FNDC3A: variants seen among roughly 807,000 people sequenced by gnomAD.
FNDC3A encodes the protein fibronectin type III domain containing 3A.
A neutral mutation model predicts 148.9 loss-of-function variants in FNDC3A; 32 were observed. The ratio of observed to expected loss-of-function variants is 0.21; its 90% CI spans 0.16 to 0.29. The LOEUF (loss-of-function observed/expected upper bound fraction) is 0.29. Among genes scored for constraint, FNDC3A ranks in the 10% least tolerant of loss-of-function variants. The pLI, the probability that FNDC3A is intolerant of heterozygous loss-of-function variation, is 1.00. For missense variants in FNDC3A, 1,191 were observed against 1,452.8 expected (o/e 0.82, Z 2.93); for synonymous variants, 472 against 473.6 (o/e 1.00, Z 0.04).
intron 2 of FNDC3A, among the ~76,000 whole-genome samples, chr13:49,040,406 C>T (rs184509673): frequency 5.9e-5 from 9 of 152,288 alleles, no homozygotes; most frequent in Admixed American, 2.0e-4. Flanking sequence ...TTTGCACTTA[C>T]GGATGGCAAA....
intron 1 of FNDC3A, among the ~76,000 whole-genome samples, chr13:48,993,621 T>C (rs1951963002): frequency 6.6e-6 from 1 of 152,178 alleles, no homozygotes. Flanking sequence ...AAATTTTGAA[T>C]GCTAGTAACA....
chr13:48,997,203 A>T (rs1952040059), intron 1 of FNDC3A, among the ~76,000 whole-genome samples: 1 of 152,216 alleles, frequency 6.6e-6, no homozygotes, highest in African/African-American at 2.4e-5. Context: ...AGACAAAAAG[A>T]GCTGAAGTTT....
At chr13:49,036,723 G>A (rs1440583925) in intron 2 of FNDC3A, among the ~76,000 whole-genome samples, 1 of 152,178 alleles carries the variant, frequency 6.6e-6, no homozygotes, top group East Asian at 1.9e-4. Context: ...ATAGAAGGAT[G>A]TACAGAGTGC....
chr13:49,204,759 A>G, intron 25 of FNDC3A, among the ~76,000 whole-genome samples: 1 of 135,360 alleles, frequency 7.4e-6, no homozygotes, highest in South Asian at 2.9e-4. Flanking sequence ...TGAGCAGGTT[A>G]ATCTGTTTTC....
At chr13:49,065,633 G>GT (rs1877212751) in intron 2 of FNDC3A, among the ~76,000 whole-genome samples, 1 of 152,092 alleles carries the variant, frequency 6.6e-6, no homozygotes, top group South Asian at 2.1e-4. Context: ...AAAATGGTGT[G>GT]TATTAGGGGA....
At position 49,207,782 on chromosome 13, in the gene FNDC3A, G is replaced by A. The variant is rs1886723209; in HGVS notation, c.*387G>A. On this transcript the variant is annotated 3_prime_UTR_variant, in exon 26 of 26. Transcript: ENST00000492622. ...AGATTATTACCAAGTGAAAAATTCA[G>A]AATGAATAGAATTTACACTAACATG... 6.2e-6 allele frequency: 1 copy of A among 161,066 alleles called. No individual in the cohort carries two copies. The highest frequency in any genetic ancestry group is 2.4e-5 in the African/African-American group (1 of 41,536). The allele number at this position is 161,066 out of a possible 1,614,324, so 10.0% of individuals were successfully genotyped here.
chr13:49,136,338 A>G lies in FNDC3A; in HGVS notation c.497A>G (p.His166Arg). The change falls in exon 6 of 26, where the codon CAC becomes CGC. Residue 166 changes from histidine to arginine, a missense_variant. His to Arg is a conservative substitution (Grantham distance 29). Around this residue, in one of 3 missense-constraint regions of FNDC3A, gnomAD observed 426 missense variants for 473.2 expected, o/e 0.90. Transcript: ENST00000492622. ...TGTTTTTATTGCCTCCTAGATGCTC[A>G]CTCTACACATGGAAGGTCCAACTTT... is the stretch of plus-strand genomic sequence containing the variant. ...SSQVYGDVDA[H>R]STHGRSNFRD... The G allele has an allele frequency of 6.2e-7, 1 of 1,612,584 alleles. No homozygotes were observed. The highest frequency in any genetic ancestry group is 8.5e-7 in the Non-Finnish European group (1 of 1,178,996).
chr13:49,202,280 ACT>A (rs377309801), intron 24 of FNDC3A, among the ~76,000 whole-genome samples: 139 of 152,108 alleles, frequency 9.1e-4, no homozygotes, highest in African/African-American at 3.0e-3. Flanking sequence ...AAAATCACAA[ACT>A]CTGGTTGTTT....
intron 14 of FNDC3A, 27 bp from the exon 15 acceptor site, chr13:49,185,937 T>C: frequency 8.8e-6 from 14 of 1,582,086 alleles, no homozygotes; most frequent in Non-Finnish European, 1.2e-5. Context: ...AAGTGTATTA[T>C]TTAATGTCTT....
At chr13:49,168,328 A>G (rs1034773331) in intron 9 of FNDC3A, among the ~76,000 whole-genome samples, 1 of 152,256 alleles carries the variant, frequency 6.6e-6, no homozygotes, top group Non-Finnish European at 1.5e-5. Flanking sequence ...CAAATAGGAC[A>G]GAAAGCATCA....
chr13:49,052,841 G>A (rs1037881338), intron 2 of FNDC3A, among the ~76,000 whole-genome samples: 1 of 152,154 alleles, frequency 6.6e-6, no homozygotes, highest in Non-Finnish European at 1.5e-5. Context: ...CCACCAGGTG[G>A]GAGCAGGGAT....
chr13:49,130,651 T>C (rs770591341), intron 4 of FNDC3A, among the ~76,000 whole-genome samples: 32 of 152,234 alleles, frequency 2.1e-4, no homozygotes, highest in Non-Finnish European at 3.8e-4. Context: ...TAACAAAAAC[T>C]AATTCATTTT....
intron 1 of FNDC3A, among the ~76,000 whole-genome samples, chr13:48,994,651 G>C (rs919627952): frequency 6.6e-6 from 1 of 152,168 alleles, no homozygotes; most frequent in South Asian, 2.1e-4. Flanking sequence ...GGTGGCGCAT[G>C]CCTGTAATCC....
chr13:49,137,981 C>T (rs1371451360), intron 6 of FNDC3A, among the ~76,000 whole-genome samples: 1 of 152,174 alleles, frequency 6.6e-6, no homozygotes, highest in African/African-American at 2.4e-5. Context: ...CCAATAACCA[C>T]AACTCTATCA....
At chr13:49,176,224 T>A (rs1029353285) in intron 13 of FNDC3A, among the ~76,000 whole-genome samples, 24 of 151,936 alleles carry the variant, frequency 1.6e-4, no homozygotes, top group African/African-American at 5.6e-4. Context: ...TAGGGAGGAG[T>A]CCGTCTTTTT....
At chr13:49,145,703 C>T (rs1882952093) in intron 7 of FNDC3A, 75 bp from the exon 8 acceptor site, 2 of 1,159,550 alleles carry the variant, frequency 1.7e-6, no homozygotes, top group Non-Finnish European at 2.5e-6. Flanking sequence ...ATCTTGAAAC[C>T]TCATTAGATA....
chr13:49,144,033 T>TAAC (rs1281792259), intron 7 of FNDC3A, among the ~76,000 whole-genome samples: 8 of 139,082 alleles, frequency 5.8e-5, no homozygotes, highest in Admixed American at 1.5e-4. Context: ...CTACTACTAC[T>TAAC]AATAATAATA....
At chr13:49,206,362 ATTGGAACACT>A (rs1886645078) in intron 25 of FNDC3A, among the ~76,000 whole-genome samples, 1 of 152,008 alleles carries the variant, frequency 6.6e-6, no homozygotes, top group Non-Finnish European at 1.5e-5. Flanking sequence ...GTGTTCCATT[ATTGGAACACT>A]AAGCTTGTGG....
chr13:49,205,574 AACTAGTAAATATGC>A (rs1312653818), intron 25 of FNDC3A, among the ~76,000 whole-genome samples: 1 of 152,148 alleles, frequency 6.6e-6, no homozygotes, highest in African/African-American at 2.4e-5. Flanking sequence ...TGGAATGCTC[AACTAGTAAATATGC>A]AACTATTCCA....
Sources: gnomAD v4.1 joint callset for allele counts (sites outside exome capture counted in the v4.1 genomes callset) on GRCh38, gnomAD v4.1.1 for gene constraint, gnomAD v4.1.1 regional missense constraint, MANE v1.5 for transcripts, NCBI Gene and HGNC (gene_info 2026-07-23, HGNC 2026-07-21) for gene names.